Variants in LNPEP observed in about 807,000 individuals in gnomAD.
The protein encoded by LNPEP is leucyl-cystinyl aminopeptidase.
LNPEP carries 64 observed loss-of-function variants against 120.6 expected under a neutral mutation model. The observed-to-expected ratio is 0.53, with a 90% confidence interval of 0.43 to 0.65. The LOEUF (loss-of-function observed/expected upper bound fraction) is 0.65. Ranked by LOEUF, LNPEP falls within the 30% of genes least tolerant of loss-of-function variation. The pLI, the probability that LNPEP is intolerant of heterozygous loss-of-function variation, is 0.00. For synonymous variants in LNPEP, 435 were observed against 425.4 expected, an observed-to-expected ratio of 1.02 and a Z score of -0.28; for missense variants, 1,057 against 1,200.0, an observed-to-expected ratio of 0.88 and a Z score of 1.76.
At chr5:96,953,779 T>C (rs997351883) in intron 1 of LNPEP, among the ~76,000 whole-genome samples, 1 of 152,266 alleles carries the variant, frequency 6.6e-6, no homozygotes, top group African/African-American at 2.4e-5. Context: ...AACAAATCTA[T>C]GTCTTAGTTT....
chr5:96,990,952 C>T (rs1224422434), intron 4 of LNPEP, among the ~76,000 whole-genome samples: 1 of 151,954 alleles, frequency 6.6e-6, no homozygotes, highest in Non-Finnish European at 1.5e-5. Flanking sequence ...AGGTGGTGTT[C>T]GGTTATATGG....
intron 13 of LNPEP, among the ~76,000 whole-genome samples, chr5:97,021,923 GTTTTTTTTTTTT>G (rs1165456605): frequency 7.0e-5 from 4 of 57,172 alleles, no homozygotes; most frequent in Admixed American, 2.3e-4. Flanking sequence ...TTTGTCTTTT[GTTTTTTTTTTTT>G]TTTTTTTTTT....
Position 97,037,346 on chromosome 5 carries a change from AT to A in LNPEP, c.*8815del, listed in dbSNP as rs1189838387. On this transcript the variant is annotated 3_prime_UTR_variant, in exon 18 of 18. Coordinates refer to ENST00000231368, the MANE Select transcript of LNPEP (RefSeq NM_005575.3). ...CATTTTGAAAATATGTATATATAATATTGTATATGCAAATTGTGTTGTTTCA... is the reference window on the plus strand; with the variant it reads ...CATTTTGAAAATATGTATATATAATATGTATATGCAAATTGTGTTGTTTCA... 6.6e-6 allele frequency: 1 copy of A among 152,130 alleles called. No individual in the cohort carries two copies. The highest frequency in any genetic ancestry group is 1.5e-5 in the Non-Finnish European group (1 of 68,020). The allele number at this position is 152,130 out of a possible 1,614,324, so 9.4% of individuals were successfully genotyped here.
intron 11 of LNPEP, 80 bp downstream of exon 11, chr5:97,006,595 T>C: frequency 1.3e-6 from 1 of 778,476 alleles, no homozygotes; most frequent in African/African-American, 1.7e-5. Context: ...AGATTACACT[T>C]TCCAGTGTGC....
chr5:96,986,938 G>A (rs1790257452), intron 4 of LNPEP, among the ~76,000 whole-genome samples: 1 of 152,066 alleles, frequency 6.6e-6, no homozygotes, highest in African/African-American at 2.4e-5. Context: ...AAAGCTTTTA[G>A]AACTGAGTGG....
intron 1 of LNPEP, among the ~76,000 whole-genome samples, chr5:96,973,953 CT>C (rs1789933250): frequency 6.6e-6 from 1 of 152,092 alleles, no homozygotes; most frequent in South Asian, 2.1e-4. Context: ...GTAAATTTGC[CT>C]TCTCACCACA....
intron 1 of LNPEP, among the ~76,000 whole-genome samples, chr5:96,977,840 A>C (rs1007424432): frequency 5.9e-5 from 9 of 152,196 alleles, no homozygotes; most frequent in Non-Finnish European, 1.2e-4. Context: ...GAAATAAATA[A>C]TTCAGGGCTC....
intron 2 of LNPEP, among the ~76,000 whole-genome samples, chr5:96,981,326 C>A (rs1427090399): frequency 6.6e-6 from 1 of 152,118 alleles, no homozygotes; most frequent in Non-Finnish European, 1.5e-5. Context: ...TATACTATCA[C>A]TTGGGGGATT....
At position 96,992,619 on chromosome 5, in the gene LNPEP, A is replaced by C. The variant is rs192742879; in HGVS notation, c.1132-396A>C. On this transcript the variant is annotated intron_variant, in intron 4 of 17. Coordinates refer to ENST00000231368, the MANE Select transcript of LNPEP (RefSeq NM_005575.3). ...GGATGAAAATTTAGTTTTGTCTTTC[A>C]AATAACTCTCAATCTTTTTACCTCA... 8.5e-5 allele frequency among the ~76,000 whole-genome samples: 13 copies of C among 152,320 alleles called. No homozygotes were observed. The East Asian group carries it at 2.1e-3, about 25-fold the overall frequency.
intron 3 of LNPEP, among the ~76,000 whole-genome samples, 174 bp from the exon 4 acceptor site, chr5:96,986,365 G>A (rs924020318): frequency 7.9e-5 from 12 of 152,156 alleles, no homozygotes; most frequent in African/African-American, 2.4e-4. Context: ...ATGAAGGATG[G>A]TACAACAGAC....
In LNPEP at chr5:96,993,953, T is replaced by C. The variant is rs753582056; in HGVS notation, c.1389T>C (p.Ala463=). The C allele has an allele frequency of 1.2e-6, 2 of 1,613,872 alleles. No homozygotes were observed. The highest frequency in any genetic ancestry group is 2.2e-5 in the South Asian group (2 of 91,072). ...GAAAGCTGGTGACTAAAATCATTGCTCATGAGCTGGCCCACCAGGTATTAG... is the reference window on the plus strand; with the variant it reads ...GAAAGCTGGTGACTAAAATCATTGCCCATGAGCTGGCCCACCAGGTATTAG... The part of the protein sequence containing the change: ...ADRKLVTKII[A]HELAHQWFGN... Residue 463 remains alanine, a synonymous_variant, in exon 6 of 18, where the codon GCT becomes GCC. Transcript: ENST00000231368.
At chr5:96,997,624 C>T (rs959254624) in intron 7 of LNPEP, among the ~76,000 whole-genome samples, 4 of 151,910 alleles carry the variant, frequency 2.6e-5, no homozygotes, top group Non-Finnish European at 5.9e-5. Context: ...AAGAAATCAG[C>T]GTAAGGACCA....
At chr5:97,021,485 A>G (rs1157384090) in intron 13 of LNPEP, among the ~76,000 whole-genome samples, 1 of 152,216 alleles carries the variant, frequency 6.6e-6, no homozygotes, top group African/African-American at 2.4e-5. Context: ...ATAATGTTAA[A>G]TATACCTTTA....
Position 97,033,500 on chromosome 5 carries a change from CT to C in LNPEP, c.*4968del, listed in dbSNP as rs1353846796. On this transcript the variant is annotated 3_prime_UTR_variant, in exon 18 of 18. Transcript: ENST00000231368. ...GTTTGGGTTTATTGAAGATTTTTTG[CT>C]AGGAGAGAGAAAATTTTTTGCTAGG... 2 of 152,020 alleles carry C rather than the reference CT, an allele frequency of 1.3e-5. No individual in the cohort carries two copies. The highest frequency in any genetic ancestry group is 2.9e-5 in the Non-Finnish European group (2 of 68,012). The allele number at this position is 152,020 out of a possible 1,614,324, so 9.4% of individuals were successfully genotyped here. A position where few individuals can be genotyped will look rare whatever the true frequency, so the allele number is the denominator to read the frequency against.
chr5:96,938,831 G>A (rs191842225), intron 1 of LNPEP, among the ~76,000 whole-genome samples: 1 of 152,180 alleles, frequency 6.6e-6, no homozygotes, highest in African/African-American at 2.4e-5. Context: ...TTATGTTGAA[G>A]TCTGGACATC....
intron 13 of LNPEP, among the ~76,000 whole-genome samples, chr5:97,017,319 C>T (rs1465597391): frequency 6.6e-6 from 1 of 151,840 alleles, no homozygotes; most frequent in Non-Finnish European, 1.5e-5. Flanking sequence ...TCTATTAAAT[C>T]GTCTGCCTTT....
intron 1 of LNPEP, among the ~76,000 whole-genome samples, chr5:96,966,502 A>G (rs944349663): frequency 1.6e-4 from 20 of 125,248 alleles, no homozygotes; most frequent in African/African-American, 6.6e-4. Context: ...TCTGTCTTAC[A>G]TATATTTGTG....
At chr5:97,023,143 A>G (rs981019718) in intron 14 of LNPEP, among the ~76,000 whole-genome samples, 2 of 152,098 alleles carry the variant, frequency 1.3e-5, no homozygotes, top group African/African-American at 4.8e-5. Flanking sequence ...TGTATATCTC[A>G]TATAAGTAAA....
chr5:96,974,396 C>T (rs1195231071), intron 1 of LNPEP, among the ~76,000 whole-genome samples: 4 of 152,092 alleles, frequency 2.6e-5, no homozygotes, highest in Non-Finnish European at 5.9e-5. Flanking sequence ...CACCTAGCTC[C>T]CATCATTTTC....
Sources: allele counts gnomAD v4.1 joint callset (sites outside exome capture counted in the v4.1 genomes callset), GRCh38; gene constraint gnomAD v4.1.1; transcripts MANE v1.5; gene names NCBI Gene and HGNC (gene_info 2026-07-23, HGNC 2026-07-21).